GABRB1: variants seen among roughly 807,000 people sequenced by gnomAD.
GABRB1 encodes gamma-aminobutyric acid type A receptor subunit beta1.
GABRB1 carries 17 observed loss-of-function variants against 51.6 expected under a neutral mutation model. The ratio of observed to expected loss-of-function variants is 0.33; its 90% CI spans 0.23 to 0.49. The LOEUF (loss-of-function observed/expected upper bound fraction) is 0.49, where lower values mean the gene tolerates loss of function less well. Ranked by LOEUF, GABRB1 falls within the 20% of genes least tolerant of loss-of-function variation. The pLI, the probability that GABRB1 is intolerant of heterozygous loss-of-function variation, is 0.99. For missense variants in GABRB1, 410 were observed against 600.6 expected (o/e 0.68, Z 3.32); for synonymous variants, 247 against 218.9 (o/e 1.13, Z -1.14).
intron 5 of GABRB1, among the ~76,000 whole-genome samples, chr4:47,376,584 T>C (rs1323694013): frequency 2.6e-5 from 4 of 152,116 alleles, no homozygotes; most frequent in African/African-American, 7.2e-5. Flanking sequence ...GAGGCGGAGC[T>C]TGCAGTGAGC....
chr4:47,376,451 C>G (rs1727380233), intron 5 of GABRB1, among the ~76,000 whole-genome samples: 1 of 152,112 alleles, frequency 6.6e-6, no homozygotes, highest in African/African-American at 2.4e-5. Flanking sequence ...TCGAGACCAT[C>G]CTGGCTAACA....
intron 4 of GABRB1, among the ~76,000 whole-genome samples, chr4:47,220,892 C>G (rs999781216): frequency 6.6e-6 from 1 of 151,964 alleles, no homozygotes; most frequent in African/African-American, 2.4e-5. Flanking sequence ...AACTTTTGAT[C>G]AAAGCATCGC....
At chr4:47,206,999 G>T (rs1163578424) in intron 4 of GABRB1, among the ~76,000 whole-genome samples, 4 of 151,834 alleles carry the variant, frequency 2.6e-5, no homozygotes, top group African/African-American at 7.2e-5. Flanking sequence ...TTTATCTTCT[G>T]TTAATTGACT....
rs886383897 is a variant in GABRB1, at chr4:47,243,495, A to G, written c.462-76632A>G. Among the ~76,000 whole-genome samples the G allele has an allele frequency of 1.2e-4, 18 of 152,210 alleles. No homozygotes were observed. In the East Asian group the frequency reaches 2.1e-3, roughly 18 times the overall value. ...CCTTGGGCAGTATGGCCATTTTCAC[A>G]ATATTGATTCTTCCTACCCATGAGC... On this transcript the variant is annotated intron_variant, in intron 4 of 8. Transcript: ENST00000295454.
rs181971901 is a variant in GABRB1 at position 47,400,695 on chromosome 4, T to G, written c.545-2623T>G. On this transcript the variant is annotated intron_variant, in intron 5 of 8. Transcript: ENST00000295454. ...CAAATAGTGTACATTGTACCTAATATGTGATTTTTTTATCCCTTACCCTCC... is the reference window on the plus strand; with the variant it reads ...CAAATAGTGTACATTGTACCTAATAGGTGATTTTTTTATCCCTTACCCTCC... 4.9e-3 allele frequency among the ~76,000 whole-genome samples: 752 copies of G among 152,276 alleles called. 7 individuals are homozygous for G. The highest frequency in any genetic ancestry group is 0.017 in the African/African-American group (688 of 41,554).
At chr4:47,195,735 A>G (rs1325776484) in intron 4 of GABRB1, among the ~76,000 whole-genome samples, 2 of 152,212 alleles carry the variant, frequency 1.3e-5, no homozygotes, top group African/African-American at 4.8e-5. Flanking sequence ...AAATGGTAAT[A>G]TTAAACACTT....
intron 5 of GABRB1, among the ~76,000 whole-genome samples, chr4:47,396,401 G>A (rs1405037050): frequency 6.6e-6 from 1 of 152,044 alleles, no homozygotes; most frequent in East Asian, 1.9e-4. Context: ...GATTTGGGTG[G>A]GAACACAGAG....
At chr4:47,012,150 T>C (rs546900123) in intron 1 of GABRB1, among the ~76,000 whole-genome samples, 10 of 152,316 alleles carry the variant, frequency 6.6e-5, no homozygotes, top group Non-Finnish European at 1.0e-4. Flanking sequence ...ATAAATACCA[T>C]GTAACATTAT....
intron 3 of GABRB1, among the ~76,000 whole-genome samples, chr4:47,158,929 A>C (rs917546409): frequency 1.3e-5 from 2 of 151,998 alleles, no homozygotes; most frequent in African/African-American, 2.4e-5. Context: ...CCTTAACCTT[A>C]ATTTTCTCAA....
At chr4:47,401,804 CT>C (rs1728395473) in intron 5 of GABRB1, among the ~76,000 whole-genome samples, 1 of 72,342 alleles carries the variant, frequency 1.4e-5, no homozygotes, top group African/African-American at 6.2e-5. Flanking sequence ...CAAATTCCAT[CT>C]ATCTATCTAT....
At chr4:47,303,893 T>C (rs1387321963) in intron 4 of GABRB1, among the ~76,000 whole-genome samples, 3 of 152,062 alleles carry the variant, frequency 2.0e-5, no homozygotes, top group Non-Finnish European at 4.4e-5. Context: ...AGATTCCACA[T>C]ATGAGTGAAA....
rs558841958 is a variant in GABRB1, at chr4:47,281,161, T to C, written c.462-38966T>C. ...AACCATTTATCTGACAAAGGGCTAA[T>C]GTCCAAAATATATAAAGAACTCAAA... is the stretch of plus-strand genomic sequence containing the variant. On this transcript the variant is annotated intron_variant, in intron 4 of 8. Coordinates refer to ENST00000295454, the MANE Select transcript of GABRB1 (RefSeq NM_000812.4). 6.6e-5 allele frequency among the ~76,000 whole-genome samples: 10 copies of C among 152,250 alleles called. No individual in the cohort carries two copies. The South Asian group carries it at 1.9e-3, about 28-fold the overall frequency.
At chr4:47,293,474 G>A (rs1723840686) in intron 4 of GABRB1, among the ~76,000 whole-genome samples, 1 of 152,054 alleles carries the variant, frequency 6.6e-6, no homozygotes, top group Non-Finnish European at 1.5e-5. Flanking sequence ...CTTCTCATGT[G>A]CAATCCTTAC....
intron 4 of GABRB1, among the ~76,000 whole-genome samples, chr4:47,227,379 T>C (rs1720980958): frequency 2.0e-5 from 3 of 152,178 alleles, no homozygotes; most frequent in Admixed American, 2.0e-4. Context: ...AACCATGTTC[T>C]ATACAGTTTA....
chr4:47,279,348 A>G (rs1026933233), intron 4 of GABRB1, among the ~76,000 whole-genome samples: 1 of 152,182 alleles, frequency 6.6e-6, no homozygotes, highest in Non-Finnish European at 1.5e-5. Context: ...CATTTTTACA[A>G]GCGAATAGAA....
chr4:47,006,676 C>T (rs918493622), intron 1 of GABRB1, among the ~76,000 whole-genome samples: 1 of 152,158 alleles, frequency 6.6e-6, no homozygotes, highest in Non-Finnish European at 1.5e-5. Flanking sequence ...TTATTTTCAA[C>T]ATATTTGGCT....
chr4:47,162,102 G>C (rs1717980516), intron 4 of GABRB1, among the ~76,000 whole-genome samples: 1 of 151,960 alleles, frequency 6.6e-6, no homozygotes, highest in Non-Finnish European at 1.5e-5. Context: ...GTACCCCAAG[G>C]ACTTTCAACT....
intron 5 of GABRB1, among the ~76,000 whole-genome samples, chr4:47,401,811 TCTATCTATCTAG>T (rs139468676): frequency 2.8e-5 from 2 of 70,922 alleles, no homozygotes; most frequent in African/African-American, 1.3e-4. Flanking sequence ...CATCTATCTA[TCTATCTATCTAG>T]CTATCTATCT....
At chr4:47,030,088 G>T (rs576013001), upstream of GABRB1, among the ~76,000 whole-genome samples, 6 of 152,008 alleles carry the variant, frequency 3.9e-5, no homozygotes, top group South Asian at 1.2e-3. Flanking sequence ...GATTCAAATT[G>T]GTTATATTTC....
Sources: allele counts gnomAD v4.1 joint callset (sites outside exome capture counted in the v4.1 genomes callset), GRCh38; gene constraint gnomAD v4.1.1; transcripts MANE v1.5; gene names NCBI Gene and HGNC (gene_info 2026-07-23, HGNC 2026-07-21).